The following ULK4 variants were observed in gnomAD, a reference collection of about 807,000 sequenced individuals.
ULK4 encodes the protein inactive serine/threonine-protein kinase ULK4.
A neutral mutation model predicts 160.6 loss-of-function variants in ULK4; 133 were observed. The observed-to-expected ratio is 0.83, with a 90% CI of 0.72 to 0.96. The LOEUF is 0.96. ULK4 is among the 40% of genes least tolerant of loss of function. The pLI, the probability that ULK4 is intolerant of heterozygous loss-of-function variation, is 0.00. For synonymous variants in ULK4, 534 were observed against 539.8 expected (o/e 0.99, Z 0.15); for missense variants, 1,580 against 1,499.5 (o/e 1.05, Z -0.89).
rs182117628 is a variant in ULK4, at chr3:41,700,236, G to C, written c.2781+4821C>G. 1.6e-4 allele frequency among the ~76,000 whole-genome samples: 25 copies of C among 152,284 alleles called. No homozygotes were observed. In the East Asian group the frequency reaches 4.2e-3, roughly 26 times the overall value. ...TAGTTTCTGATGAAAACCGGAGGCA[G>C]AGAGTTGAGACCATGAGAGCATGGA... On this transcript the variant is annotated intron_variant, in intron 27 of 36. Coordinates refer to ENST00000301831, the MANE Select transcript of ULK4 (RefSeq NM_017886.4).
intron 20 of ULK4, among the ~76,000 whole-genome samples, chr3:41,792,233 T>C (rs2040171662): frequency 6.6e-6 from 1 of 152,030 alleles, no homozygotes; most frequent in Non-Finnish European, 1.5e-5. Flanking sequence ...AACAGAAAAA[T>C]GAATTCACTT....
At chr3:41,508,841 T>C (rs959366570) in intron 32 of ULK4, among the ~76,000 whole-genome samples, 2 of 152,114 alleles carry the variant, frequency 1.3e-5, no homozygotes, top group Non-Finnish European at 2.9e-5. Flanking sequence ...GAGTCCCACA[T>C]CTTGCCTCTG....
intron 33 of ULK4, among the ~76,000 whole-genome samples, chr3:41,462,696 C>A (rs1259520020): frequency 6.6e-6 from 1 of 152,138 alleles, no homozygotes; most frequent in Non-Finnish European, 1.5e-5. Context: ...TGTACACAAA[C>A]CCTCAATCCA....
intron 32 of ULK4, among the ~76,000 whole-genome samples, chr3:41,499,813 A>T (rs1335753253): frequency 6.6e-6 from 1 of 152,118 alleles, no homozygotes; most frequent in Admixed American, 6.6e-5. Context: ...TTAATATGAG[A>T]GTTTTGATTA....
intron 17 of ULK4, among the ~76,000 whole-genome samples, chr3:41,880,127 A>G (rs1202979519): frequency 6.6e-6 from 1 of 152,098 alleles, no homozygotes; most frequent in Non-Finnish European, 1.5e-5. Context: ...CACAAAAAAA[A>G]TTCCTTTCAG....
chr3:41,930,299 A>T (rs1030767893), intron 5 of ULK4, among the ~76,000 whole-genome samples: 2 of 152,150 alleles, frequency 1.3e-5, no homozygotes, highest in African/African-American at 4.8e-5. Context: ...CAGAAAAATG[A>T]AACTGGACCC....
chr3:41,305,133 G>T (rs1362352859), intron 35 of ULK4, among the ~76,000 whole-genome samples: 1 of 152,134 alleles, frequency 6.6e-6, no homozygotes, highest in East Asian at 1.9e-4. Context: ...GCTTGATGGA[G>T]ATAAAAATAA....
At position 41,883,963 on chromosome 3, in the gene ULK4, A is replaced by G. The variant is rs751489348; in HGVS notation, c.1578-11T>C. The G allele has an allele frequency of 2.8e-5, 44 of 1,587,080 alleles. 1 individual carries two copies. In the South Asian group the frequency reaches 4.6e-4, roughly 17 times the overall value. On this transcript the variant is annotated splice_polypyrimidine_tract_variant and intron_variant, in intron 16 of 36. Coordinates refer to ENST00000301831, the MANE Select transcript of ULK4 (RefSeq NM_017886.4). ...GCAACCTTGGCCCGTCTGTAAATGG[A>G]GAGAAAACAGGCTCTGAAAAGAAGA...
Position 41,911,355 on chromosome 3 carries a change from A to G in ULK4, c.1047T>C (p.Thr349=). 2 of 1,614,156 alleles carry G rather than the reference A, an allele frequency of 1.2e-6. No homozygotes were observed. The highest frequency in any genetic ancestry group is 1.7e-6 in the Non-Finnish European group (2 of 1,180,012). The part of the protein sequence containing the change: ...ENPTEFRPKS[T]LEGQLNESMF... ...TGGATTCATTCAATTGACCCTCAAG[A>G]GTACTCTTAGGCCGAAACTCAGTTG... is the stretch of plus-strand genomic sequence containing the variant. The change falls in exon 11 of 37, where the codon ACT becomes ACC. Residue 349 remains threonine (T), a synonymous_variant. Coordinates refer to ENST00000301831, the MANE Select transcript of ULK4 (RefSeq NM_017886.4).
intron 34 of ULK4, among the ~76,000 whole-genome samples, chr3:41,437,333 T>A (rs2083058571): frequency 6.6e-6 from 1 of 152,224 alleles, no homozygotes; most frequent in Non-Finnish European, 1.5e-5. Context: ...CTCTAGAATT[T>A]CAAATCCTAA....
chr3:41,420,471 C>CTTTTTTTTTTTTTTTTTTTTTT (rs1339143112), intron 34 of ULK4, among the ~76,000 whole-genome samples: 3 of 63,248 alleles, frequency 4.7e-5, no homozygotes, highest in African/African-American at 1.9e-4. Context: ...TTTTCCAGTT[C>CTTTTTTTTTTTTTTTTTTTTTT]TTTCTTTTTT....
Position 41,947,292 on chromosome 3 carries a change from C to T in ULK4, c.138+7330G>A, listed in dbSNP as rs192156108. Among the ~76,000 whole-genome samples, 15 of 152,242 alleles carry T rather than the reference C, an allele frequency of 9.9e-5. No homozygotes were observed. The East Asian group carries it at 2.9e-3, about 29-fold the overall frequency. The stretch of plus-strand genomic sequence containing the variant: ...TGCCACTGCACTCCAGCCCGGGCGA[C>T]AGAGCGAGACAGGTAAATTATGACA... On this transcript the variant is annotated intron_variant, in intron 2 of 36. Coordinates refer to ENST00000301831, the MANE Select transcript of ULK4 (RefSeq NM_017886.4).
At chr3:41,581,705 T>C (rs1010055276) in intron 31 of ULK4, among the ~76,000 whole-genome samples, 2 of 152,158 alleles carry the variant, frequency 1.3e-5, no homozygotes, top group African/African-American at 4.8e-5. Context: ...GAGTTTCCCA[T>C]CCAGGGCATG....
intron 5 of ULK4, among the ~76,000 whole-genome samples, chr3:41,928,210 A>C (rs1421078008): frequency 2.6e-5 from 4 of 152,188 alleles, no homozygotes; most frequent in Non-Finnish European, 4.4e-5. Context: ...CAAAAACCAC[A>C]CAACTACATG....
intron 32 of ULK4, among the ~76,000 whole-genome samples, chr3:41,529,630 G>T (rs577146989): frequency 6.6e-6 from 1 of 152,188 alleles, no homozygotes; most frequent in Non-Finnish European, 1.5e-5. Flanking sequence ...GACTACAGGT[G>T]TGCAACACCC....
At chr3:41,948,898 A>T (rs1175278181) in intron 2 of ULK4, among the ~76,000 whole-genome samples, 1 of 152,160 alleles carries the variant, frequency 6.6e-6, no homozygotes, top group Non-Finnish European at 1.5e-5. Flanking sequence ...CTAGTCAAGA[A>T]GGTATAAAAA....
chr3:41,915,263 TTTCC>T (rs1698927155), intron 8 of ULK4: 2 of 152,196 alleles, frequency 1.3e-5, no homozygotes, highest in Admixed American at 1.3e-4. Flanking sequence ...AAAATCAGCA[TTTCC>T]TTCTGCAGTT....
At chr3:41,451,288 T>C (rs1485873839) in intron 34 of ULK4, among the ~76,000 whole-genome samples, 3 of 151,894 alleles carry the variant, frequency 2.0e-5, no homozygotes, top group South Asian at 2.1e-4. Context: ...GGAGGATGTC[T>C]ATAAAGAAGG....
At chr3:41,598,679 A>C (rs965503580) in intron 31 of ULK4, among the ~76,000 whole-genome samples, 41 of 148,710 alleles carry the variant, frequency 2.8e-4, no homozygotes, top group East Asian at 1.9e-3. Context: ...ATACACCCCC[A>C]CACACACACA....
Sources: allele counts gnomAD v4.1 joint callset (sites outside exome capture counted in the v4.1 genomes callset), GRCh38; gene constraint gnomAD v4.1.1; transcripts MANE v1.5; gene names NCBI Gene and HGNC (gene_info 2026-07-23, HGNC 2026-07-21).